Variants in TRAPPC3L observed in about 807,000 individuals in gnomAD.
The protein encoded by TRAPPC3L is trafficking protein particle complex subunit 3L, also known as trafficking protein particle complex subunit 3-like protein.
In TRAPPC3L, 23 loss-of-function variants were observed where a neutral mutation model predicts 23.7. The observed-to-expected ratio is 0.97, with a 90% confidence interval of 0.70 to 1.37. The LOEUF is 1.37. Ranked by LOEUF, TRAPPC3L falls within the 40% of genes most tolerant of loss-of-function variation. TRAPPC3L has a pLI of 0.00. For synonymous variants in TRAPPC3L, 81 were observed against 77.9 expected, an observed-to-expected ratio of 1.04 and a Z score of -0.21; for missense variants, 212 against 216.8, an observed-to-expected ratio of 0.98 and a Z score of 0.14.
chr6:116,534,015 C>A (rs1000641122), intron 3 of TRAPPC3L, among the ~76,000 whole-genome samples: 1 of 152,170 alleles, frequency 6.6e-6, no homozygotes, highest in East Asian at 1.9e-4. Flanking sequence ...CCTTCCCCAA[C>A]AAGATTTGAA....
At chr6:116,541,216 A>G (rs1441466170) in intron 2 of TRAPPC3L, among the ~76,000 whole-genome samples, 2 of 152,168 alleles carry the variant, frequency 1.3e-5, no homozygotes, top group Non-Finnish European at 2.9e-5. Flanking sequence ...AACAAGATAA[A>G]CTGAAAAACG....
At chr6:116,512,441 T>C in intron 3 of TRAPPC3L, 1 of 558,914 alleles carries the variant, frequency 1.8e-6, no homozygotes, top group Non-Finnish European at 3.1e-6. Context: ...GATTATCTCT[T>C]TTCCGGTTCT....
At chr6:116,535,421 C>A (rs895727688) in intron 3 of TRAPPC3L, among the ~76,000 whole-genome samples, 2 of 152,182 alleles carry the variant, frequency 1.3e-5, no homozygotes, top group Non-Finnish European at 2.9e-5. Flanking sequence ...CAAAAGGCAA[C>A]ATTATTATAA....
intron 3 of TRAPPC3L, among the ~76,000 whole-genome samples, chr6:116,530,928 T>C (rs970661962): frequency 1.4e-5 from 2 of 143,440 alleles, no homozygotes; most frequent in Non-Finnish European, 3.0e-5. Context: ...TATATATATA[T>C]ATATATATAT....
Position 116,500,619 on chromosome 6 carries a change from G to C in TRAPPC3L, c.288C>G (p.Asn96Lys), listed in dbSNP as rs1465963144. The C allele has an allele frequency of 2.6e-6, 4 of 1,551,616 alleles. No individual in the cohort carries two copies. In the South Asian group the frequency reaches 4.8e-5, roughly 18 times the overall value. ...YLGITPSVTC[N>K]NSSKNEFSLI... is the part of the protein sequence containing the mutation. Reference sequence around the variant, plus strand: ...GGGAAAATTCATTTTTGCTTGAATTGTTACAGGTCACACTTGGTGTAATTC... The same window carrying C: ...GGGAAAATTCATTTTTGCTTGAATTCTTACAGGTCACACTTGGTGTAATTC... The change falls in exon 4 of 5, where the codon AAC becomes AAG. Residue 96 changes from asparagine to lysine, a missense_variant. Transcript: ENST00000368602.
intron 3 of TRAPPC3L, chr6:116,520,840 T>C (rs1562342440): frequency 2.0e-5 from 3 of 152,144 alleles, no homozygotes; most frequent in Admixed American, 6.6e-5. Context: ...AGAGACATCC[T>C]AATATGATGT....
intron 3 of TRAPPC3L, among the ~76,000 whole-genome samples, chr6:116,529,618 G>A (rs1245043444): frequency 6.6e-6 from 1 of 152,218 alleles, no homozygotes; most frequent in Non-Finnish European, 1.5e-5. Flanking sequence ...TCCATGTCCT[G>A]CAAGGCAGAA....
At chr6:116,532,738 C>T (rs2115196778) in intron 3 of TRAPPC3L, among the ~76,000 whole-genome samples, 1 of 152,276 alleles carries the variant, frequency 6.6e-6, no homozygotes, top group Non-Finnish European at 1.5e-5. Context: ...GATCAACAGG[C>T]ACAAAACACG....
At chr6:116,507,810 G>T (rs571837144) in intron 3 of TRAPPC3L, among the ~76,000 whole-genome samples, 1 of 62,734 alleles carries the variant, frequency 1.6e-5, no homozygotes, top group East Asian at 9.8e-4. Flanking sequence ...AAAAACATCT[G>T]CTGTTTTACA....
intron 3 of TRAPPC3L, among the ~76,000 whole-genome samples, chr6:116,506,282 A>T (rs1180483600): frequency 1.3e-5 from 2 of 152,238 alleles, no homozygotes; most frequent in Non-Finnish European, 2.9e-5. Context: ...ATCACTGTTC[A>T]TCAGAGAAAT....
At chr6:116,510,032 T>C (rs1385865355) in intron 3 of TRAPPC3L, among the ~76,000 whole-genome samples, 3 of 152,094 alleles carry the variant, frequency 2.0e-5, no homozygotes, top group Non-Finnish European at 2.9e-5. Context: ...CAATAGACAT[T>C]TCTCAAAAGA....
intron 4 of TRAPPC3L, among the ~76,000 whole-genome samples, chr6:116,500,204 C>T (rs1419188365): frequency 6.6e-6 from 1 of 152,230 alleles, no homozygotes; most frequent in Non-Finnish European, 1.5e-5. Flanking sequence ...CCAGAGGTTG[C>T]AGCCCTGGCC....
At chr6:116,521,522 G>A (rs1431901793) in intron 3 of TRAPPC3L, 1 of 151,984 alleles carries the variant, frequency 6.6e-6, no homozygotes, top group East Asian at 1.9e-4. Context: ...GAGAGGGAGA[G>A]AGAGAGAGAC....
chr6:116,497,441 A>G (rs1429193670), intron 4 of TRAPPC3L, among the ~76,000 whole-genome samples: 1 of 152,222 alleles, frequency 6.6e-6, no homozygotes, highest in Non-Finnish European at 1.5e-5. Flanking sequence ...CCAAGAATAA[A>G]TGGATTCTTA....
intron 3 of TRAPPC3L, chr6:116,518,455 G>A (rs572818675): frequency 2.6e-5 from 4 of 152,530 alleles, no homozygotes; most frequent in Admixed American, 2.6e-4. Context: ...GAGGTGCAGG[G>A]TCAGACGTCT....
Position 116,497,040 on chromosome 6 carries a change from C to T in TRAPPC3L, c.460G>A (p.Asp154Asn). 4.5e-6 allele frequency: 7 copies of T among 1,544,390 alleles called. No homozygotes were observed. Among genetic ancestry groups the T allele is most frequent in the Non-Finnish European group, 5.2e-6 (6 of 1,144,598 alleles). Reference protein sequence around the residue: ...HLAADVTFLQDRLKGDSVTEI... With the variant: ...HLAADVTFLQNRLKGDSVTEI... ...GTCACACTGTCACCTTTTAGTCTGTCTTGCAAGAATGTAACATCAGCCGCC... is the reference window on the plus strand; with the variant it reads ...GTCACACTGTCACCTTTTAGTCTGTTTTGCAAGAATGTAACATCAGCCGCC... Residue 154 changes from aspartate to asparagine, a missense_variant, in exon 5 of 5, where the codon GAC (aspartate) becomes AAC (asparagine). Coordinates refer to ENST00000368602, the MANE Select transcript of TRAPPC3L (RefSeq NM_001139444.3).
intron 3 of TRAPPC3L, among the ~76,000 whole-genome samples, chr6:116,528,579 TTCA>T (rs1455474607): frequency 3.9e-5 from 6 of 152,356 alleles, no homozygotes; most frequent in African/African-American, 1.4e-4. Context: ...GCTGTGAATA[TTCA>T]TCATTTTTTA....
intron 3 of TRAPPC3L, among the ~76,000 whole-genome samples, chr6:116,539,524 G>A (rs1274978439): frequency 1.3e-5 from 2 of 152,122 alleles, no homozygotes; most frequent in Non-Finnish European, 2.9e-5. Context: ...TCTGGAAAAT[G>A]GGGATAGTAA....
intron 3 of TRAPPC3L, chr6:116,517,710 G>A (rs964106097): frequency 1.3e-5 from 2 of 152,130 alleles, no homozygotes; most frequent in Non-Finnish European, 2.9e-5. Context: ...GGTAGTACGC[G>A]AATGAGATGA....
Sources: allele counts gnomAD v4.1 joint callset (sites outside exome capture counted in the v4.1 genomes callset), GRCh38; gene constraint gnomAD v4.1.1; transcripts MANE v1.5; gene names NCBI Gene and HGNC (gene_info 2026-07-23, HGNC 2026-07-21).